Variants in PARP10 observed in about 807,000 individuals in gnomAD.
PARP10 encodes poly(ADP-ribose) polymerase family member 10, also known as protein mono-ADP-ribosyltransferase PARP10.
Under a neutral mutation model 82.4 loss-of-function variants are expected in PARP10, and 56 were observed. The observed-to-expected ratio is 0.68, with a 90% CI of 0.55 to 0.85. The LOEUF (loss-of-function observed/expected upper bound fraction) is 0.85, where lower values mean the gene tolerates loss of function less well. Among genes scored for constraint, PARP10 ranks in the 40% least tolerant of loss-of-function variants. PARP10 has a pLI of 0.00. For missense variants in PARP10, 1,227 were observed against 1,379.4 expected (o/e 0.89, Z 1.75); for synonymous variants, 576 against 601.1 (o/e 0.96, Z 0.61).
chr8:143,978,305 G>T (rs768124433), intron 9 of PARP10, among the ~76,000 whole-genome samples: 21 of 152,124 alleles, frequency 1.4e-4, no homozygotes, highest in Non-Finnish European at 2.8e-4. Flanking sequence ...TCCCCCTCCC[G>T]TGGAGGTCTG....
chr8:143,979,342 A>G (rs568683241), intron 9 of PARP10, among the ~76,000 whole-genome samples: 159 of 152,358 alleles, frequency 1.0e-3, no homozygotes, highest in Non-Finnish European at 1.7e-3. Flanking sequence ...ACCTTCTCAC[A>G]TTGGGTCTCT....
intron 1 of PARP10, among the ~76,000 whole-genome samples, chr8:143,996,229 A>G (rs2133071703): frequency 6.6e-6 from 1 of 152,376 alleles, no homozygotes; most frequent in South Asian, 2.1e-4. Flanking sequence ...AAGGCCAAAA[A>G]GAGACTTAAA....
upstream of PARP10, chr8:143,991,925 G>A (rs1834104866): frequency 1.2e-6 from 2 of 1,613,772 alleles, no homozygotes; most frequent in Non-Finnish European, 1.7e-6. Context: ...TGTCCACGGT[G>A]TCTGTGTTCA....
chr8:143,980,831 TG>T (rs1239998991), intron 9 of PARP10, among the ~76,000 whole-genome samples: 1 of 152,170 alleles, frequency 6.6e-6, no homozygotes, highest in Non-Finnish European at 1.5e-5. Flanking sequence ...TATGGCTCAG[TG>T]GTAAATGTTT....
Position 143,983,744 on chromosome 8 carries a change from C to T in PARP10, c.1845G>A (p.Arg615=). 1 of 1,612,374 alleles carries T rather than the reference C, an allele frequency of 6.2e-7. No homozygotes were observed. Among genetic ancestry groups the T allele is most frequent in the Non-Finnish European group, 8.5e-7 (1 of 1,179,342 alleles). The change falls in exon 8 of 11, where the codon CGG becomes CGA. Residue 615 remains arginine (R), a synonymous_variant. Transcript: ENST00000313028. ...CCTGAGGCCCTTCCTCCTCCAGCTC[C>T]CGAGGCAGCCAGTCCTCCCCGTCTA... ...LDLDGEDWLP[R]ELEEEGPQEQ... is the part of the protein sequence containing the mutation.
At chr8:144,001,150 G>A (rs558728014) in intron 1 of PARP10, among the ~76,000 whole-genome samples, 15 of 151,658 alleles carry the variant, frequency 9.9e-5, no homozygotes, top group Admixed American at 3.9e-4. Flanking sequence ...TCCTGACCTC[G>A]TGATCTGCCC....
rs1161032769 is a variant in PARP10 at position 143,980,035 on chromosome 8, G to A, written c.2557-1954C>T. Among the ~76,000 whole-genome samples, 14 of 115,020 alleles carry A rather than the reference G, an allele frequency of 1.2e-4. No individual in the cohort carries two copies. In the South Asian group the frequency reaches 2.1e-3, roughly 17 times the overall value. The allele number at this position is 115,020 out of a possible 152,430, so 75.5% of individuals were successfully genotyped here. On this transcript the variant is annotated intron_variant, in intron 9 of 10. Transcript: ENST00000313028. ...TCAAAAAAAAAAAAAAAAAAAACCC[G>A]TCTCAGCCGGGCGCGGTGGCTCACG...
chr8:143,981,395 A>G (rs62530288), intron 9 of PARP10, among the ~76,000 whole-genome samples: 2,649 of 53,954 alleles, frequency 0.049, 88 homozygotes, highest in Non-Finnish European at 0.059. Context: ...GGTGATGGTG[A>G]TGATGGTGGT....
In PARP10 at chr8:143,985,348, C is replaced by A. The variant is rs1833961496; in HGVS notation, c.674-20G>T. 3 of 1,594,246 alleles carry A rather than the reference C, an allele frequency of 1.9e-6. No individual in the cohort carries two copies. Among genetic ancestry groups the A allele is most frequent in the Non-Finnish European group, 2.6e-6 (3 of 1,169,550 alleles). Reference sequence around the variant, plus strand: ...CTGCCACTTGGAGGAAGGGAAAGGACAGAAAGCCTGTCAGATTTCTGCAGG... The same window carrying A: ...CTGCCACTTGGAGGAAGGGAAAGGAAAGAAAGCCTGTCAGATTTCTGCAGG... On this transcript the variant is annotated intron_variant, in intron 4 of 10. Transcript: ENST00000313028.
At position 144,011,768 on chromosome 8, in the gene PARP10, G is replaced by A. The variant is rs142146467; in HGVS notation, c.-80+762C>T. Among the ~76,000 whole-genome samples, 918 of 152,244 alleles carry A rather than the reference G, an allele frequency of 6.0e-3. 7 individuals are homozygous for A. The highest frequency in any genetic ancestry group is 0.011 in the Non-Finnish European group (723 of 68,016). On this transcript the variant is annotated intron_variant, in intron 1 of 3. Coordinates refer to the PARP10 transcript ENST00000530478. The surrounding 1 kb of genome is among the most constrained non-coding windows in gnomAD (Gnocchi z 4.5). ...CCAAGTGCGGAGAAGGCAACGACGG[G>A]AGATTTGGAATAGGGAACGCTGAGT... is the stretch of plus-strand genomic sequence containing the variant.
At chr8:143,993,009 T>C, upstream of PARP10, 2 of 621,178 alleles carry the variant, frequency 3.2e-6, no homozygotes, top group South Asian at 2.0e-5. Context: ...ATACTTCCAT[T>C]TGGACCCGCT....
At position 143,983,783 on chromosome 8, in the gene PARP10, C is replaced by T. The variant is rs1554748438; in HGVS notation, c.1806G>A (p.Leu602=). 6.2e-7 allele frequency: 1 copy of T among 1,600,064 alleles called. No homozygotes were observed. The highest frequency in any genetic ancestry group is 2.2e-5 in the East Asian group (1 of 44,632). ...LEEVRELLAT[L]EGLDLDGEDW... ...CCTCCCCGTCTAGGTCTAGGCCCTC[C>T]AGGGTGGCCAGCAGTTCTCGGACCT... The change falls in exon 8 of 11, where the codon CTG becomes CTA. Residue 602 remains leucine, a synonymous_variant. Transcript: ENST00000313028.
rs1290763252 is a variant in PARP10 at position 143,985,330 on chromosome 8, T to C, written c.674-2A>G. On this transcript the variant is annotated splice_acceptor_variant, in intron 4 of 10. Transcript: ENST00000313028. LOFTEE classifies it high-confidence loss of function. ...CCTGCTGCAACACTCGTTCTGCCAC[T>C]TGGAGGAAGGGAAAGGACAGAAAGC... is the stretch of plus-strand genomic sequence containing the variant. 1 of 1,602,112 alleles carries C rather than the reference T, an allele frequency of 6.2e-7. No homozygotes were observed. The highest frequency in any genetic ancestry group is 1.3e-5 in the African/African-American group (1 of 74,524).
upstream of PARP10, chr8:143,986,924 G>T: frequency 6.1e-6 from 1 of 165,036 alleles, no homozygotes; most frequent in Non-Finnish European, 1.3e-5. Flanking sequence ...CCTGCCAGGT[G>T]CTGAGCATGG....
In PARP10 at chr8:143,983,408, C is replaced by T. The variant is rs782078500; in HGVS notation, c.2181G>A (p.Arg727=). ...CCTGGACGTGGACCTCCAAGGCAGCCCTGAGCGCCCGGTCCAGCTCCTCCA... is the reference window on the plus strand; with the variant it reads ...CCTGGACGTGGACCTCCAAGGCAGCTCTGAGCGCCCGGTCCAGCTCCTCCA... The part of the protein sequence containing the change: ...QDVEELDRAL[R]AALEVHVQEE... The change falls in exon 8 of 11, where the codon AGG becomes AGA. Residue 727 remains arginine, a synonymous_variant. Transcript: ENST00000313028. The T allele has an allele frequency of 6.9e-6, 11 of 1,604,482 alleles. No individual in the cohort carries two copies. The highest frequency in any genetic ancestry group is 1.7e-5 in the Admixed American group (1 of 59,910).
chr8:143,999,742 T>C (rs1834188227), intron 1 of PARP10, among the ~76,000 whole-genome samples: 1 of 152,128 alleles, frequency 6.6e-6, no homozygotes, highest in East Asian at 1.9e-4. Context: ...CTGGCTCGAA[T>C]TGAGCTTCTT....
intron 1 of PARP10, among the ~76,000 whole-genome samples, chr8:144,007,954 C>T (rs2133082979): frequency 6.6e-6 from 1 of 152,310 alleles, no homozygotes; most frequent in East Asian, 1.9e-4. Flanking sequence ...TCAATAATGT[C>T]AGCTATGGCC....
At chr8:143,980,319 C>CAAAAAAA (rs564801582) in intron 9 of PARP10, among the ~76,000 whole-genome samples, 4 of 16,094 alleles carry the variant, frequency 2.5e-4, no homozygotes, top group Non-Finnish European at 3.8e-4. Context: ...GATTCCGTCT[C>CAAAAAAA]AAAAAAAAAA....
At chr8:143,982,379 C>A (rs1232722744) in intron 9 of PARP10, among the ~76,000 whole-genome samples, 2 of 152,268 alleles carry the variant, frequency 1.3e-5, no homozygotes, top group African/African-American at 4.8e-5. Context: ...GAGGCTGAGG[C>A]AGGAGAATGG....
Sources: allele counts gnomAD v4.1 joint callset (sites outside exome capture counted in the v4.1 genomes callset), GRCh38; gene constraint gnomAD v4.1.1; non-coding constraint Gnocchi (gnomAD v3.1); transcripts MANE v1.5; gene names NCBI Gene and HGNC (gene_info 2026-07-23, HGNC 2026-07-21).